The following MTUS2 variants were observed in gnomAD, a reference collection of about 807,000 sequenced individuals.
MTUS2 encodes the protein microtubule-associated tumor suppressor candidate 2.
MTUS2 carries 40 observed loss-of-function variants against 114.1 expected under a neutral mutation model. That is an observed-to-expected ratio of 0.35 (90% CI 0.27 to 0.46). The LOEUF is 0.46. MTUS2 is among the 20% of genes least tolerant of loss of function. The probability of loss-of-function intolerance (pLI) is 1.00; values close to 1 mark genes in which losing one functional copy is unlikely to be tolerated. For missense variants in MTUS2, 1,679 were observed against 1,705.4 expected (o/e 0.98, Z 0.27); for synonymous variants, 688 against 672.0 (o/e 1.02, Z -0.37).
chr13:29,159,876 C>T (rs975512556), intron 5 of MTUS2, among the ~76,000 whole-genome samples: 3 of 152,210 alleles, frequency 2.0e-5, no homozygotes, highest in South Asian at 2.1e-4. Context: ...AAACTAGGCT[C>T]CACCTGTGTT....
chr13:29,291,286 A>G (rs1898703249), intron 6 of MTUS2, among the ~76,000 whole-genome samples: 1 of 152,232 alleles, frequency 6.6e-6, no homozygotes, highest in African/African-American at 2.4e-5. Flanking sequence ...AGTGAGGGGC[A>G]GCCCCAGCCA....
chr13:28,871,522 T>G (rs1220579918), intron 2 of MTUS2, among the ~76,000 whole-genome samples: 2 of 152,206 alleles, frequency 1.3e-5, no homozygotes, highest in Non-Finnish European at 2.9e-5. Flanking sequence ...TCAATGAGAT[T>G]ACATTCATTC....
At chr13:29,436,540 A>G (rs1235753085) in intron 8 of MTUS2, among the ~76,000 whole-genome samples, 2 of 152,148 alleles carry the variant, frequency 1.3e-5, no homozygotes, top group Non-Finnish European at 2.9e-5. Context: ...GAGTTAAGTT[A>G]TTTTCCTTGA....
intron 2 of MTUS2, among the ~76,000 whole-genome samples, chr13:28,974,496 G>T (rs1883999496): frequency 6.6e-6 from 1 of 152,140 alleles, no homozygotes; most frequent in Non-Finnish European, 1.5e-5. Flanking sequence ...GACCTAATTT[G>T]TCATTTTGCT....
chr13:28,975,119 C>T (rs920208816), intron 2 of MTUS2, among the ~76,000 whole-genome samples: 8 of 152,096 alleles, frequency 5.3e-5, no homozygotes, highest in East Asian at 3.8e-4. Flanking sequence ...AAGGCTCTTC[C>T]GCACTTAACC....
chr13:29,110,099 G>GT (rs1399114604), intron 5 of MTUS2, among the ~76,000 whole-genome samples: 2 of 152,226 alleles, frequency 1.3e-5, no homozygotes, highest in Admixed American at 6.5e-5. Flanking sequence ...AGGCTATGGC[G>GT]TGCCTTCAGC....
chr13:29,070,232 C>G (rs1350589284), intron 4 of MTUS2, among the ~76,000 whole-genome samples: 3 of 152,112 alleles, frequency 2.0e-5, no homozygotes, highest in Admixed American at 6.5e-5. Context: ...CTCAAATGTT[C>G]CTCTGGAACC....
chr13:29,377,036 G>A (rs1281612481), intron 8 of MTUS2, among the ~76,000 whole-genome samples: 1 of 152,056 alleles, frequency 6.6e-6, no homozygotes, highest in Non-Finnish European at 1.5e-5. Context: ...TGATGAAAGG[G>A]TCCACTCACC....
intron 10 of MTUS2, chr13:29,484,785 T>C (rs1364838739): frequency 6.6e-6 from 1 of 152,240 alleles, no homozygotes; most frequent in Non-Finnish European, 1.5e-5. Context: ...GAAATCTAAG[T>C]CTTCTCTAAG....
At chr13:29,238,724 G>A (rs928079747) in intron 5 of MTUS2, among the ~76,000 whole-genome samples, 2 of 152,072 alleles carry the variant, frequency 1.3e-5, no homozygotes, top group Non-Finnish European at 2.9e-5. Flanking sequence ...ATCTCCTTTG[G>A]CAACACCCTC....
chr13:29,198,208 A>G (rs973609893), intron 5 of MTUS2, among the ~76,000 whole-genome samples: 28 of 152,286 alleles, frequency 1.8e-4, no homozygotes, highest in African/African-American at 6.3e-4. Flanking sequence ...TTAAGGTCTT[A>G]GGTTTAAGTC....
At chr13:28,829,537 AAAAAC>A (rs746397880) in intron 1 of MTUS2, among the ~76,000 whole-genome samples, 18 of 152,322 alleles carry the variant, frequency 1.2e-4, no homozygotes, top group Non-Finnish European at 2.5e-4. Context: ...GTCTAAAAAA[AAAAAC>A]AAACAATAAC....
intron 4 of MTUS2, among the ~76,000 whole-genome samples, chr13:29,047,257 CAGGGTT>C (rs1331802955): frequency 6.6e-6 from 1 of 152,166 alleles, no homozygotes; most frequent in Non-Finnish European, 1.5e-5. Context: ...ACCCATGCTG[CAGGGTT>C]ATGGTGAAAG....
At chr13:28,976,203 CAAAAAAAA>C (rs71090215) in intron 2 of MTUS2, among the ~76,000 whole-genome samples, 10 of 90,160 alleles carry the variant, frequency 1.1e-4, no homozygotes, top group African/African-American at 3.9e-4. Context: ...GACCTTGTCT[CAAAAAAAA>C]AAAAAAAAAA....
At chr13:29,028,331 C>G (rs1886657129) in intron 3 of MTUS2, among the ~76,000 whole-genome samples, 1 of 143,318 alleles carries the variant, frequency 7.0e-6, no homozygotes, top group Admixed American at 7.0e-5. Context: ...AGCCTGGCAA[C>G]AGAGCGCGAC....
At chr13:29,456,102 C>T (rs924771599) in intron 9 of MTUS2, among the ~76,000 whole-genome samples, 1 of 152,094 alleles carries the variant, frequency 6.6e-6, no homozygotes, top group Non-Finnish European at 1.5e-5. Flanking sequence ...TCTAGCACTT[C>T]TAGAAATAGA....
At chr13:28,868,289 T>G (rs1877419035) in intron 2 of MTUS2, among the ~76,000 whole-genome samples, 1 of 152,228 alleles carries the variant, frequency 6.6e-6, no homozygotes, top group Admixed American at 6.5e-5. Flanking sequence ...GTTTCTTGCC[T>G]TGGAACCTTT....
chr13:29,487,168 T>G (rs1440438293), intron 10 of MTUS2, among the ~76,000 whole-genome samples: 1 of 152,166 alleles, frequency 6.6e-6, no homozygotes, highest in Non-Finnish European at 1.5e-5. Flanking sequence ...TGGGCAACCT[T>G]ATGTTTAAAA....
At chr13:28,979,515 C>T (rs993203080) in intron 2 of MTUS2, among the ~76,000 whole-genome samples, 3 of 152,036 alleles carry the variant, frequency 2.0e-5, no homozygotes, top group African/African-American at 4.8e-5. Context: ...CCTAAAACAA[C>T]CCTTTGTTTT....
Sources: gnomAD v4.1 joint callset for allele counts (sites outside exome capture counted in the v4.1 genomes callset) on GRCh38, gnomAD v4.1.1 for gene constraint, MANE v1.5 for transcripts, NCBI Gene and HGNC (gene_info 2026-07-23, HGNC 2026-07-21) for gene names.